Variants in ST8SIA1 observed in about 807,000 individuals in gnomAD.
The protein encoded by ST8SIA1 is alpha-N-acetylneuraminide alpha-2,8-sialyltransferase.
A neutral mutation model predicts 35.9 loss-of-function variants in ST8SIA1; 16 were observed. The observed-to-expected ratio is 0.45, with a 90% CI of 0.30 to 0.68. The LOEUF is 0.68. Ranked by LOEUF, ST8SIA1 falls within the 30% of genes least tolerant of loss-of-function variation. The pLI is 0.09. For missense variants in ST8SIA1, 383 were observed against 453.6 expected (o/e 0.84, Z 1.41); for synonymous variants, 170 against 169.6 (o/e 1.00, Z -0.02).
At chr12:22,269,735 C>T (rs1336783200) in intron 2 of ST8SIA1, among the ~76,000 whole-genome samples, 1 of 152,110 alleles carries the variant, frequency 6.6e-6, no homozygotes, top group African/African-American at 2.4e-5. Flanking sequence ...ATAAAGTTTG[C>T]TTAATTGTAT....
chr12:22,307,247 G>A lies in ST8SIA1; in HGVS notation c.237-19954C>T, dbSNP rs888019536. On this transcript the variant is annotated intron_variant, in intron 1 of 4. Coordinates refer to ENST00000396037, the MANE Select transcript of ST8SIA1 (RefSeq NM_003034.4). The stretch of plus-strand genomic sequence containing the variant: ...TTGGGTGGTAATTACCAAGCGCTGG[G>A]CTTCATCAGAGGTTGATCCACGGGG... 4.6e-5 allele frequency among the ~76,000 whole-genome samples: 7 copies of A among 152,052 alleles called. No homozygotes were observed. The East Asian group carries it at 1.4e-3, about 29-fold the overall frequency.
intron 2 of ST8SIA1, among the ~76,000 whole-genome samples, chr12:22,283,938 A>C (rs1367639783): frequency 6.6e-6 from 1 of 152,252 alleles, no homozygotes; most frequent in Non-Finnish European, 1.5e-5. Flanking sequence ...GAAGTTATGT[A>C]CACCGCATTA....
chr12:22,223,415 T>G, intron 4 of ST8SIA1: 1 of 603,044 alleles, frequency 1.7e-6, no homozygotes, highest in Non-Finnish European at 2.1e-6. Flanking sequence ...TCCTTCTGTA[T>G]CTTCCTGTAG....
intron 4 of ST8SIA1, among the ~76,000 whole-genome samples, chr12:22,235,023 G>A (rs995206359): frequency 3.9e-5 from 6 of 152,076 alleles, no homozygotes; most frequent in Non-Finnish European, 7.4e-5. Flanking sequence ...TGTCTCATTA[G>A]TGTGTGTATG....
chr12:22,265,898 A>G (rs1012816034), intron 2 of ST8SIA1, among the ~76,000 whole-genome samples: 2 of 152,096 alleles, frequency 1.3e-5, no homozygotes, highest in African/African-American at 4.8e-5. Context: ...AATAAAAAAA[A>G]AAGTACCATG....
intron 1 of ST8SIA1, among the ~76,000 whole-genome samples, chr12:22,304,787 G>C (rs1171121556): frequency 6.6e-6 from 1 of 152,122 alleles, no homozygotes; most frequent in Non-Finnish European, 1.5e-5. Flanking sequence ...TTCAATGTGG[G>C]CTCTGCCCAG....
intron 4 of ST8SIA1, 42 bp from the exon 5 acceptor site, chr12:22,202,080 A>C (rs749884008): frequency 5.3e-6 from 8 of 1,517,920 alleles, no homozygotes; most frequent in African/African-American, 1.4e-5. Context: ...ACCTAGAGAA[A>C]AAGAAACTCA....
At chr12:22,289,012 T>C (rs996293456) in intron 1 of ST8SIA1, among the ~76,000 whole-genome samples, 5 of 152,046 alleles carry the variant, frequency 3.3e-5, no homozygotes, top group Admixed American at 2.0e-4. Context: ...TCTCAAATGG[T>C]TGGGATAACA....
At chr12:22,275,685 T>C (rs1591841537) in intron 2 of ST8SIA1, among the ~76,000 whole-genome samples, 1 of 152,224 alleles carries the variant, frequency 6.6e-6, no homozygotes, top group African/African-American at 2.4e-5. Context: ...AATTTTATCA[T>C]ACAGGTTGTA....
chr12:22,309,572 T>C (rs1025921593), intron 1 of ST8SIA1, among the ~76,000 whole-genome samples: 2 of 152,176 alleles, frequency 1.3e-5, no homozygotes, highest in African/African-American at 2.4e-5. Context: ...CTGTAGCTTA[T>C]TGAATATGTA....
At chr12:22,317,990 T>C (rs1591855714) in intron 1 of ST8SIA1, among the ~76,000 whole-genome samples, 1 of 152,236 alleles carries the variant, frequency 6.6e-6, no homozygotes, top group Admixed American at 6.5e-5. Context: ...GGCATAATTA[T>C]GGCATTTTAT....
At position 22,219,943 on chromosome 12, in the gene ST8SIA1, C is replaced by T. The variant is rs117030286; in HGVS notation, c.585-17905G>A. Among the ~76,000 whole-genome samples, 77 of 152,318 alleles carry T rather than the reference C, an allele frequency of 5.1e-4. No homozygotes were observed. In the East Asian group the frequency reaches 0.014, roughly 28 times the overall value. On this transcript the variant is annotated intron_variant, in intron 4 of 4. Coordinates refer to ENST00000396037, the MANE Select transcript of ST8SIA1 (RefSeq NM_003034.4). ...CACATGAACCTTTTTAATCCATTTT[C>T]AGTAAGATCACTTGAGTACCAGAGT...
At chr12:22,267,371 T>C (rs1319711383) in intron 2 of ST8SIA1, among the ~76,000 whole-genome samples, 3 of 152,240 alleles carry the variant, frequency 2.0e-5, no homozygotes, top group Non-Finnish European at 4.4e-5. Context: ...TTGTCTCATA[T>C]ATAACTATTT....
intron 1 of ST8SIA1, among the ~76,000 whole-genome samples, chr12:22,320,969 AAG>A (rs1190378479): frequency 1.2e-5 from 1 of 83,412 alleles, no homozygotes; most frequent in African/African-American, 6.2e-5. Flanking sequence ...GAAAGAAAGA[AAG>A]AAAGAAAGAA....
chr12:22,303,270 G>A (rs923727955), intron 1 of ST8SIA1, among the ~76,000 whole-genome samples: 8 of 151,882 alleles, frequency 5.3e-5, no homozygotes, highest in African/African-American at 9.7e-5. Flanking sequence ...GAGAATCCCT[G>A]ATCTCCCAAA....
intron 2 of ST8SIA1, among the ~76,000 whole-genome samples, chr12:22,257,443 C>CAT (rs1330346600): frequency 1.4e-5 from 2 of 142,308 alleles, no homozygotes; most frequent in African/African-American, 5.2e-5. Flanking sequence ...AGGCTAATCT[C>CAT]AAACTCCTGA....
At chr12:22,221,045 C>T (rs1194719326) in intron 4 of ST8SIA1, among the ~76,000 whole-genome samples, 2 of 152,206 alleles carry the variant, frequency 1.3e-5, no homozygotes, top group Admixed American at 6.5e-5. Flanking sequence ...CTGGAGGTAG[C>T]ATCTCAAGTC....
intron 1 of ST8SIA1, among the ~76,000 whole-genome samples, chr12:22,303,311 A>G (rs1167140827): frequency 1.3e-5 from 2 of 149,458 alleles, no homozygotes; most frequent in Non-Finnish European, 3.0e-5. Flanking sequence ...TTATATTGCC[A>G]TACAACTCCT....
chr12:22,266,343 G>A (rs1452652771), intron 2 of ST8SIA1, among the ~76,000 whole-genome samples: 2 of 151,956 alleles, frequency 1.3e-5, no homozygotes, highest in Non-Finnish European at 2.9e-5. Flanking sequence ...GTGCACAGTG[G>A]CCGGTAAATG....
Sources: gnomAD v4.1 joint callset for allele counts (sites outside exome capture counted in the v4.1 genomes callset) on GRCh38, gnomAD v4.1.1 for gene constraint, MANE v1.5 for transcripts, NCBI Gene and HGNC (gene_info 2026-07-23, HGNC 2026-07-21) for gene names.